Variants in CATSPERT observed in about 807,000 individuals in gnomAD.
The protein encoded by CATSPERT is catsper channel auxiliary subunit tau.
At chr2:201,492,543 C>T in the CATSPERT span, 2 of 1,535,574 alleles carry the variant, frequency 1.3e-6, no homozygotes, top group South Asian at 1.2e-5. Flanking sequence ...CACTTTTAGT[C>T]CTTAGAGAAG....
the CATSPERT span, chr2:201,536,434 A>G: frequency 8.0e-7 from 1 of 1,249,722 alleles, no homozygotes; most frequent in African/African-American, 1.5e-5. Context: ...AGCATAACAA[A>G]TTACCATTAT....
the CATSPERT span, among the ~76,000 whole-genome samples, chr2:201,587,801 C>T: frequency 3.1e-3 from 473 of 151,766 alleles, 3 homozygotes; most frequent in African/African-American, 0.01. Context: ...CAACCAGAAA[C>T]GACAAGGGGG....
the CATSPERT span, chr2:201,545,653 A>AG: frequency 1.3e-5 from 10 of 794,418 alleles, no homozygotes; most frequent in Admixed American, 3.3e-5. Flanking sequence ...AAAAAAAAAA[A>AG]GAAAAAAAAA....
chr2:201,505,089 T>C, the CATSPERT span, among the ~76,000 whole-genome samples: 1 of 152,074 alleles, frequency 6.6e-6, no homozygotes, highest in Non-Finnish European at 1.5e-5. Context: ...CCCCAAATGG[T>C]TCACTTTTTT....
chr2:201,543,499 C>T, the CATSPERT span, among the ~76,000 whole-genome samples: 1 of 152,084 alleles, frequency 6.6e-6, no homozygotes, highest in Non-Finnish European at 1.5e-5. Context: ...ATATTTTTCC[C>T]TTTATTTTCT....
At chr2:201,487,454 G>A in the CATSPERT span, 2 of 686,982 alleles carry the variant, frequency 2.9e-6, no homozygotes, top group Non-Finnish European at 4.7e-6. Context: ...AAAACAAAAT[G>A]GTTCTAACAA....
chr2:201,569,306 G>A, the CATSPERT span, among the ~76,000 whole-genome samples: 4 of 152,064 alleles, frequency 2.6e-5, no homozygotes, highest in African/African-American at 7.2e-5. Context: ...TTGTTCCCTC[G>A]ACCCAGAACT....
At chr2:201,536,140 C>A in the CATSPERT span, 1 of 1,613,444 alleles carries the variant, frequency 6.2e-7, no homozygotes, top group Non-Finnish European at 8.5e-7. Flanking sequence ...TGACGTTCAC[C>A]TAAAGGTGGT....
the CATSPERT span, among the ~76,000 whole-genome samples, chr2:201,599,714 G>T: frequency 4.6e-5 from 7 of 151,972 alleles, no homozygotes; most frequent in Non-Finnish European, 7.4e-5. Flanking sequence ...CTTTTAATGT[G>T]CTCAAACTAA....
the CATSPERT span, chr2:201,575,281 C>G: frequency 6.3e-7 from 1 of 1,585,190 alleles, no homozygotes; most frequent in Non-Finnish European, 8.6e-7. Flanking sequence ...AAAGTCCTTA[C>G]TATGTTTCCA....
At chr2:201,582,112 G>C in the CATSPERT span, 1 of 1,603,912 alleles carries the variant, frequency 6.2e-7, no homozygotes, top group Non-Finnish European at 8.5e-7. Flanking sequence ...ACCTCATAAA[G>C]ATGTATCTGA....
At chr2:201,532,870 T>C in the CATSPERT span, among the ~76,000 whole-genome samples, 1 of 152,166 alleles carries the variant, frequency 6.6e-6, no homozygotes, top group African/African-American at 2.4e-5. Flanking sequence ...TGTGGGTTCA[T>C]TGGAATGTGG....
chr2:201,610,108 G>T, the CATSPERT span, among the ~76,000 whole-genome samples: 1 of 152,164 alleles, frequency 6.6e-6, no homozygotes, highest in East Asian at 1.9e-4. Flanking sequence ...GACTTAGGAA[G>T]AAATAGAAAG....
chr2:201,577,499 A>C, the CATSPERT span, among the ~76,000 whole-genome samples: 1 of 152,242 alleles, frequency 6.6e-6, no homozygotes, highest in Non-Finnish European at 1.5e-5. Flanking sequence ...GTTCATCACC[A>C]AATGAACAGA....
the CATSPERT span, among the ~76,000 whole-genome samples, chr2:201,583,400 T>C: frequency 2.0e-5 from 3 of 152,186 alleles, no homozygotes; most frequent in East Asian, 5.8e-4. Context: ...GAACGGAGTG[T>C]TGGGTCCCTA....
the CATSPERT span, among the ~76,000 whole-genome samples, chr2:201,617,538 G>A: frequency 9.4e-3 from 1,434 of 152,102 alleles, 8 homozygotes; most frequent in Non-Finnish European, 0.015. Flanking sequence ...CCTTCCTTAC[G>A]CCTTATACAA....
chr2:201,618,837 CACCCTCCAGGTGCCCTGCTGGCCCCG>C, the CATSPERT span: 1 of 1,516,788 alleles, frequency 6.6e-7, no homozygotes, highest in Non-Finnish European at 9.0e-7. Context: ...ATCCTTTCAC[CACCCTCCAGGTGCCCTGCTGGCCCCG>C]GTCCTCCAGG....
chr2:201,533,524 G>A, the CATSPERT span, among the ~76,000 whole-genome samples: 6 of 152,056 alleles, frequency 3.9e-5, no homozygotes. Flanking sequence ...GGGGACAGAT[G>A]GTCTCTTCAA....
At chr2:201,552,816 A>T in the CATSPERT span, 1 of 152,214 alleles carries the variant, frequency 6.6e-6, no homozygotes, top group Non-Finnish European at 1.5e-5. Context: ...CTGTAGCCCC[A>T]ATTCAAGCTT....
Sources: gnomAD v4.1 joint callset for allele counts (sites outside exome capture counted in the v4.1 genomes callset) on GRCh38, gnomAD v4.1.1 for gene constraint, MANE v1.5 for transcripts, NCBI Gene and HGNC (gene_info 2026-07-23, HGNC 2026-07-21) for gene names.